The following PLD5 variants were observed in gnomAD, a reference collection of about 807,000 sequenced individuals.
PLD5 encodes the protein inactive phospholipase D5.
A neutral mutation model predicts 61.1 loss-of-function variants in PLD5; 36 were observed. The observed-to-expected ratio is 0.59, with a 90% confidence interval of 0.45 to 0.78. The LOEUF (loss-of-function observed/expected upper bound fraction) is 0.78, where lower values mean the gene tolerates loss of function less well. PLD5 is among the 30% of genes least tolerant of loss of function. The pLI is 0.00. For synonymous variants in PLD5, 243 were observed against 242.8 expected (o/e 1.00, Z -0.01); for missense variants, 515 against 644.4 (o/e 0.80, Z 2.17).
At chr1:242,242,432 T>C (rs1326445660) in intron 4 of PLD5, among the ~76,000 whole-genome samples, 2 of 152,218 alleles carry the variant, frequency 1.3e-5, no homozygotes, top group Non-Finnish European at 2.9e-5. Flanking sequence ...TAAACAGATT[T>C]CTTAGGCATT....
At chr1:242,251,065 G>T (rs1672672942) in intron 4 of PLD5, among the ~76,000 whole-genome samples, 1 of 152,290 alleles carries the variant, frequency 6.6e-6, no homozygotes, top group Admixed American at 6.5e-5. Flanking sequence ...AGAACATGGA[G>T]GGCCAGGTGG....
rs1659354855 is a variant in PLD5 at position 242,084,119 on chromosome 1, A to C, written c.*5735T>G. Reference sequence around the variant, plus strand: ...TAAAAATAAATCACAAATAATCTTCACCCTTACTATGATTTAATTGGACTC... The same window carrying C: ...TAAAAATAAATCACAAATAATCTTCCCCCTTACTATGATTTAATTGGACTC... On this transcript the variant is annotated 3_prime_UTR_variant, in exon 10 of 10. Transcript: ENST00000536534. The C allele has an allele frequency of 2.6e-5, 4 of 151,966 alleles. No individual in the cohort carries two copies. The allele number at this position is 151,966 out of a possible 1,614,324, so 9.4% of individuals were successfully genotyped here. A position where few individuals can be genotyped will look rare whatever the true frequency, so the allele number is the denominator to read the frequency against.
chr1:242,412,359 A>G (rs1425907422), intron 1 of PLD5, among the ~76,000 whole-genome samples: 1 of 152,162 alleles, frequency 6.6e-6, no homozygotes, highest in Non-Finnish European at 1.5e-5. Flanking sequence ...ATTTCTCAGT[A>G]TGTTACAACC....
intron 3 of PLD5, among the ~76,000 whole-genome samples, chr1:242,285,008 G>A (rs1243032372): frequency 6.6e-6 from 1 of 152,214 alleles, no homozygotes; most frequent in African/African-American, 2.4e-5. Context: ...CAGCTAAGAG[G>A]TGTCTCTTCG....
chr1:242,141,086 G>T (rs955011772), intron 5 of PLD5, among the ~76,000 whole-genome samples: 1 of 152,148 alleles, frequency 6.6e-6, no homozygotes, highest in African/African-American at 2.4e-5. Flanking sequence ...TGTCTCTGAG[G>T]CTTGGGTAGT....
At chr1:242,261,503 G>T (rs1673367863) in intron 4 of PLD5, among the ~76,000 whole-genome samples, 1 of 152,092 alleles carries the variant, frequency 6.6e-6, no homozygotes, top group Non-Finnish European at 1.5e-5. Context: ...TAATAAATCA[G>T]ATTTCATTAA....
intron 4 of PLD5, among the ~76,000 whole-genome samples, chr1:242,258,120 T>C (rs1024485369): frequency 1.3e-5 from 2 of 152,232 alleles, no homozygotes; most frequent in Non-Finnish European, 1.5e-5. Context: ...CTATAGAAAT[T>C]GCATATAAAA....
chr1:242,207,870 ATATATATT>A lies in PLD5; in HGVS notation c.735+12110_735+12117del, dbSNP rs1427593920. Among the ~76,000 whole-genome samples, 7 of 49,400 alleles carry A rather than the reference ATATATATT, an allele frequency of 1.4e-4. 2 individuals carry two copies. Among genetic ancestry groups the A allele is most frequent in the African/African-American group, 2.0e-4 (2 of 10,060 alleles). 32.4% of individuals were successfully genotyped at this position (49,400 alleles called of 152,430 possible). ...TATATATTTATATATTTATATATTT[ATATATATT>A]TATATATTTATATATATTTATATAT... On this transcript the variant is annotated intron_variant, in intron 5 of 9. Coordinates refer to ENST00000536534, the MANE Select transcript of PLD5 (RefSeq NM_001372062.1).
chr1:242,214,545 G>A (rs1163487008), intron 5 of PLD5, among the ~76,000 whole-genome samples: 1 of 152,070 alleles, frequency 6.6e-6, no homozygotes, highest in Non-Finnish European at 1.5e-5. Context: ...AGACCTTCAG[G>A]TTATGATATC....
chr1:242,388,602 G>A (rs1490744023), intron 1 of PLD5, among the ~76,000 whole-genome samples: 3 of 152,106 alleles, frequency 2.0e-5, no homozygotes, highest in Non-Finnish European at 4.4e-5. Context: ...CAGAATGTTC[G>A]GTACGCAGGT....
intron 5 of PLD5, among the ~76,000 whole-genome samples, chr1:242,172,999 AG>A (rs1379987288): frequency 6.6e-6 from 1 of 152,230 alleles, no homozygotes; most frequent in Non-Finnish European, 1.5e-5. Context: ...CAAACAAGAC[AG>A]GGATGCCCTC....
intron 1 of PLD5, among the ~76,000 whole-genome samples, chr1:242,437,974 CTTCCT>C (rs1019416461): frequency 2.5e-4 from 38 of 152,300 alleles, no homozygotes; most frequent in Admixed American, 2.2e-3. Flanking sequence ...AGTATTACCT[CTTCCT>C]TTCATTTTAA....
intron 1 of PLD5, among the ~76,000 whole-genome samples, chr1:242,490,054 C>G (rs1668094061): frequency 6.6e-6 from 1 of 152,180 alleles, no homozygotes; most frequent in Non-Finnish European, 1.5e-5. Flanking sequence ...ATGGGAATGG[C>G]AGTCCCGTCT....
chr1:242,221,479 CA>C (rs1223075555), intron 4 of PLD5, among the ~76,000 whole-genome samples: 8 of 152,314 alleles, frequency 5.3e-5, no homozygotes, highest in Admixed American at 5.2e-4. Flanking sequence ...GAGTAATTTA[CA>C]CTATGAACTT....
chr1:242,384,227 C>T (rs1201993468), intron 1 of PLD5, among the ~76,000 whole-genome samples: 2 of 152,146 alleles, frequency 1.3e-5, no homozygotes, highest in Non-Finnish European at 2.9e-5. Flanking sequence ...GAAGAAAACG[C>T]ACCATTAAAT....
chr1:242,445,376 C>G (rs1666482978), intron 1 of PLD5, among the ~76,000 whole-genome samples: 1 of 152,144 alleles, frequency 6.6e-6, no homozygotes, highest in Admixed American at 6.5e-5. Context: ...GAGTCTTGCT[C>G]TGTCCTCCAG....
intron 5 of PLD5, among the ~76,000 whole-genome samples, chr1:242,164,084 C>CATT (rs1265058363): frequency 6.6e-6 from 1 of 150,924 alleles, no homozygotes; most frequent in Non-Finnish European, 1.5e-5. Flanking sequence ...CTGTGAAAGT[C>CATT]ATTATCGTTA....
intron 5 of PLD5, among the ~76,000 whole-genome samples, chr1:242,195,546 A>G (rs1668587839): frequency 6.6e-6 from 1 of 152,230 alleles, no homozygotes; most frequent in Non-Finnish European, 1.5e-5. Context: ...ACTTGAAAAT[A>G]AAAACACTTA....
intron 5 of PLD5, among the ~76,000 whole-genome samples, chr1:242,129,278 C>T (rs1220040031): frequency 5.3e-5 from 8 of 152,194 alleles, no homozygotes; most frequent in African/African-American, 1.4e-4. Context: ...GGCTACATTA[C>T]AGCTTTAGGA....
Sources: allele counts gnomAD v4.1 joint callset (sites outside exome capture counted in the v4.1 genomes callset), GRCh38; gene constraint gnomAD v4.1.1; transcripts MANE v1.5; gene names NCBI Gene and HGNC (gene_info 2026-07-23, HGNC 2026-07-21).